PACRG: variants seen among roughly 807,000 people sequenced by gnomAD.
PACRG encodes parkin coregulated, also known as parkin coregulated gene protein.
A neutral mutation model predicts 29.7 loss-of-function variants in PACRG; 29 were observed. The ratio of observed to expected loss-of-function variants is 0.98; its 90% CI spans 0.73 to 1.33. The LOEUF is 1.33. Ranked by LOEUF, PACRG falls within the 40% of genes most tolerant of loss-of-function variation. The pLI, the probability that PACRG is intolerant of heterozygous loss-of-function variation, is 0.00. For synonymous variants in PACRG, 116 were observed against 118.7 expected, an observed-to-expected ratio of 0.98 and a Z score of 0.15; for missense variants, 279 against 316.2, an observed-to-expected ratio of 0.88 and a Z score of 0.89.
intron 2 of PACRG, among the ~76,000 whole-genome samples, chr6:162,848,351 A>T (rs181680199): frequency 5.3e-5 from 8 of 152,326 alleles, no homozygotes; most frequent in Non-Finnish European, 7.3e-5. Flanking sequence ...CATCTATCTG[A>T]CTAGCTGGCC....
At chr6:162,844,403 C>A (rs545164455) in intron 2 of PACRG, among the ~76,000 whole-genome samples, 158 of 152,364 alleles carry the variant, frequency 1.0e-3, no homozygotes, top group Non-Finnish European at 1.9e-3. Flanking sequence ...AAGGGGAACT[C>A]CCTGACCCCT....
Position 163,050,944 on chromosome 6 carries a change from C to T in PACRG, c.292-11206C>T, listed in dbSNP as rs139357214. On this transcript the variant is annotated intron_variant, in intron 2 of 4. Transcript: ENST00000366888. ...TTGTTGCTTCAAATATTGCCTTTCC[C>T]CATGATCTGTCCTTTCCTCTGGAGC... Among the ~76,000 whole-genome samples, 18 of 152,242 alleles carry T rather than the reference C, an allele frequency of 1.2e-4. No individual in the cohort carries two copies. In the East Asian group the frequency reaches 2.9e-3, roughly 25 times the overall value.
chr6:162,783,095 A>T (rs1320885718), intron 1 of PACRG, among the ~76,000 whole-genome samples: 1 of 151,932 alleles, frequency 6.6e-6, no homozygotes, highest in Non-Finnish European at 1.5e-5. Flanking sequence ...ATAACCGCTC[A>T]TCCTTTTTTT....
intron 4 of PACRG, among the ~76,000 whole-genome samples, chr6:163,286,655 T>A (rs1166311383): frequency 6.6e-6 from 1 of 152,166 alleles, no homozygotes; most frequent in Non-Finnish European, 1.5e-5. Flanking sequence ...AGTTCTTACC[T>A]CCTAATGTGA....
At chr6:162,803,114 G>T (rs1423212662) in intron 1 of PACRG, among the ~76,000 whole-genome samples, 3 of 152,158 alleles carry the variant, frequency 2.0e-5, no homozygotes, top group African/African-American at 7.2e-5. Flanking sequence ...CAAGCTTAAT[G>T]TGAAGAAGGA....
At chr6:163,131,535 G>T (rs1816740856) in intron 4 of PACRG, among the ~76,000 whole-genome samples, 2 of 152,108 alleles carry the variant, frequency 1.3e-5, no homozygotes, top group Non-Finnish European at 1.5e-5. Flanking sequence ...CGTCAGAAAG[G>T]GTGGCCCTGT....
intron 4 of PACRG, among the ~76,000 whole-genome samples, chr6:163,174,548 T>C (rs867257286): frequency 1.3e-5 from 2 of 152,206 alleles, no homozygotes; most frequent in Non-Finnish European, 2.9e-5. Flanking sequence ...GTCTATCTCA[T>C]TGCCTTCAAG....
intron 4 of PACRG, among the ~76,000 whole-genome samples, chr6:163,214,992 A>G (rs1781304782): frequency 6.6e-6 from 1 of 152,172 alleles, no homozygotes; most frequent in Admixed American, 6.5e-5. Flanking sequence ...CTCTTCTCCT[A>G]CCTTCTATGT....
At chr6:162,932,566 C>T (rs1208024818) in intron 2 of PACRG, among the ~76,000 whole-genome samples, 1 of 151,856 alleles carries the variant, frequency 6.6e-6, no homozygotes, top group Admixed American at 6.6e-5. Flanking sequence ...TTGTTACTTA[C>T]TATTGGTTTC....
chr6:162,967,670 C>T (rs1407365015), intron 2 of PACRG, among the ~76,000 whole-genome samples: 1 of 152,008 alleles, frequency 6.6e-6, no homozygotes, highest in Non-Finnish European at 1.5e-5. Context: ...CCACGCCCGG[C>T]TAATTTTTTT....
chr6:162,967,134 T>A (rs6900268), intron 2 of PACRG, among the ~76,000 whole-genome samples: 23,712 of 152,136 alleles, frequency 0.16, 3,251 homozygotes, highest in African/African-American at 0.36. Flanking sequence ...ACATGATGTG[T>A]ATTATTATAG....
intron 2 of PACRG, among the ~76,000 whole-genome samples, chr6:163,041,841 G>A (rs532869608): frequency 6.6e-6 from 1 of 152,256 alleles, no homozygotes; most frequent in African/African-American, 2.4e-5. Flanking sequence ...TGTCTTCACA[G>A]ACATGCAAAC....
chr6:162,997,898 T>C (rs1804224023), intron 2 of PACRG, among the ~76,000 whole-genome samples: 1 of 152,214 alleles, frequency 6.6e-6, no homozygotes, highest in African/African-American at 2.4e-5. Flanking sequence ...GTTCTTTTTG[T>C]AGTCTGGATG....
At chr6:163,083,049 T>A (rs940002127) in intron 3 of PACRG, among the ~76,000 whole-genome samples, 1 of 152,198 alleles carries the variant, frequency 6.6e-6, no homozygotes, top group Non-Finnish European at 1.5e-5. Flanking sequence ...TCAGGGCGTC[T>A]CCTCTTTTCT....
At chr6:162,899,946 C>G (rs1795437089) in intron 2 of PACRG, among the ~76,000 whole-genome samples, 2 of 152,100 alleles carry the variant, frequency 1.3e-5, no homozygotes, top group Non-Finnish European at 2.9e-5. Context: ...TGGGTCTGCA[C>G]CCGTCACCGT....
intron 2 of PACRG, among the ~76,000 whole-genome samples, chr6:162,830,034 G>A (rs953617311): frequency 3.3e-5 from 5 of 152,132 alleles, no homozygotes; most frequent in Non-Finnish European, 5.9e-5. Flanking sequence ...GAAGGGCGTG[G>A]TCCACTCTCA....
chr6:162,953,026 A>T (rs1449093769), intron 2 of PACRG, among the ~76,000 whole-genome samples: 1 of 152,208 alleles, frequency 6.6e-6, no homozygotes, highest in Non-Finnish European at 1.5e-5. Context: ...TTTGGCGTAC[A>T]AAAATTCATT....
intron 4 of PACRG, among the ~76,000 whole-genome samples, chr6:163,192,323 A>G (rs933244147): frequency 6.6e-6 from 1 of 152,248 alleles, no homozygotes; most frequent in Non-Finnish European, 1.5e-5. Flanking sequence ...GTCTTCCTAC[A>G]GATACTTTCA....
At chr6:163,100,528 C>G (rs974248481) in intron 4 of PACRG, among the ~76,000 whole-genome samples, 1 of 152,168 alleles carries the variant, frequency 6.6e-6, no homozygotes, top group Non-Finnish European at 1.5e-5. Flanking sequence ...CCCGCTGTCC[C>G]CCCAGCGCGT....
Sources: allele counts gnomAD v4.1 joint callset (sites outside exome capture counted in the v4.1 genomes callset), GRCh38; gene constraint gnomAD v4.1.1; transcripts MANE v1.5; gene names NCBI Gene and HGNC (gene_info 2026-07-23, HGNC 2026-07-21).